Variants in PRKN observed in about 807,000 individuals in gnomAD.
PRKN encodes the protein E3 ubiquitin-protein ligase parkin.
A neutral mutation model predicts 59.5 loss-of-function variants in PRKN; 56 were observed. That is an observed-to-expected ratio of 0.94 (90% confidence interval 0.76 to 1.18). PRKN has a LOEUF of 1.18. Among genes scored for constraint, PRKN ranks in the 50% most tolerant of loss-of-function variants. The pLI is 0.00. For missense variants in PRKN, 657 were observed against 596.4 expected (o/e 1.10, Z -1.06); for synonymous variants, 250 against 222.1 (o/e 1.13, Z -1.12).
rs142392818 is a variant in PRKN at position 162,129,803 on chromosome 6, T to C, written c.534+71328A>G. Among the ~76,000 whole-genome samples the C allele has an allele frequency of 4.4e-3, 663 of 152,266 alleles. 5 individuals carry two copies. The highest frequency in any genetic ancestry group is 0.015 in the African/African-American group (628 of 41,570). On this transcript the variant is annotated intron_variant, in intron 4 of 11. Transcript: ENST00000366898. ...ATATAATGGCCTACTTCTTAAATTATAGAGTAAATATATACAGTAAGTCCA... is the reference window on the plus strand; with the variant it reads ...ATATAATGGCCTACTTCTTAAATTACAGAGTAAATATATACAGTAAGTCCA...
At chr6:162,638,984 G>A (rs1037285166) in intron 1 of PRKN, among the ~76,000 whole-genome samples, 2 of 151,842 alleles carry the variant, frequency 1.3e-5, no homozygotes, top group South Asian at 2.1e-4. Context: ...GACCTCAGGC[G>A]ATCCACCCAC....
In PRKN at chr6:161,569,365, C is replaced by T. The variant is rs2115479954; in HGVS notation, c.923G>A (p.Gly308Glu). 1 of 1,613,716 alleles carries T rather than the reference C, an allele frequency of 6.2e-7. No individual in the cohort carries two copies. Among genetic ancestry groups the T allele is most frequent in the South Asian group, 1.1e-5 (1 of 91,054 alleles). Residue 308 changes from glycine to glutamate, a missense_variant, in exon 8 of 12, where the codon GGA becomes GAA. Coordinates refer to ENST00000366898, the MANE Select transcript of PRKN (RefSeq NM_004562.3). ...IKELHHFRIL[G>E]EEQYNRYQQY... Reference sequence around the variant, plus strand: ...GAGATGCTCACTCACCTGCTCTTCTCCCAGAATCCTGAAGTGATGGAGCTC... The same window carrying T: ...GAGATGCTCACTCACCTGCTCTTCTTCCAGAATCCTGAAGTGATGGAGCTC...
intron 2 of PRKN, among the ~76,000 whole-genome samples, chr6:162,414,579 G>T (rs1362967523): frequency 2.7e-5 from 4 of 150,896 alleles, no homozygotes; most frequent in African/African-American, 7.3e-5. Flanking sequence ...CGCATGGTTG[G>T]TGGTGCCTGT....
At chr6:162,043,222 G>A (rs1213383723) in intron 5 of PRKN, among the ~76,000 whole-genome samples, 1 of 152,116 alleles carries the variant, frequency 6.6e-6, no homozygotes, top group East Asian at 1.9e-4. Flanking sequence ...AGCAACACAT[G>A]GGAATTTTGG....
chr6:162,563,819 G>T (rs987592820), intron 1 of PRKN, among the ~76,000 whole-genome samples: 1 of 152,042 alleles, frequency 6.6e-6, no homozygotes, highest in African/African-American at 2.4e-5. Flanking sequence ...TTAACAAAGA[G>T]AATGAAATAA....
intron 7 of PRKN, among the ~76,000 whole-genome samples, chr6:161,590,547 A>G (rs940660823): frequency 6.6e-6 from 1 of 152,140 alleles, no homozygotes; most frequent in Non-Finnish European, 1.5e-5. Flanking sequence ...AGTCTGGCCA[A>G]CATAGTGAAA....
At chr6:162,206,020 GT>G (rs1784922488) in intron 3 of PRKN, among the ~76,000 whole-genome samples, 1 of 152,106 alleles carries the variant, frequency 6.6e-6, no homozygotes, top group African/African-American at 2.4e-5. Flanking sequence ...TAAAAATAAT[GT>G]TGGCCCGAGA....
chr6:161,805,046 C>T (rs982602140), intron 6 of PRKN, among the ~76,000 whole-genome samples: 1 of 152,174 alleles, frequency 6.6e-6, no homozygotes, highest in African/African-American at 2.4e-5. Flanking sequence ...TCTAGGTTAT[C>T]GTATGGCCAC....
chr6:161,744,577 A>G (rs1788335477), intron 7 of PRKN, among the ~76,000 whole-genome samples: 1 of 152,202 alleles, frequency 6.6e-6, no homozygotes, highest in Non-Finnish European at 1.5e-5. Context: ...TAACATTAAC[A>G]TTCCTAATAA....
intron 1 of PRKN, among the ~76,000 whole-genome samples, chr6:162,693,758 A>C (rs1449753660): frequency 6.6e-6 from 1 of 152,232 alleles, no homozygotes; most frequent in Non-Finnish European, 1.5e-5. Flanking sequence ...CCTCTTTTAA[A>C]GAGTCACTTG....
chr6:162,062,293 G>T (rs977244984), intron 4 of PRKN, among the ~76,000 whole-genome samples: 1 of 152,108 alleles, frequency 6.6e-6, no homozygotes, highest in African/African-American at 2.4e-5. Flanking sequence ...CTCAAAATCA[G>T]CCTGAGTGAA....
At chr6:161,469,064 G>A (rs1299394233) in intron 9 of PRKN, among the ~76,000 whole-genome samples, 1 of 152,158 alleles carries the variant, frequency 6.6e-6, no homozygotes, top group South Asian at 2.1e-4. Flanking sequence ...CCCCATGTCT[G>A]TGTACTCATC....
At chr6:161,836,378 G>C (rs140457651) in intron 6 of PRKN, among the ~76,000 whole-genome samples, 1 of 152,214 alleles carries the variant, frequency 6.6e-6, no homozygotes, top group Non-Finnish European at 1.5e-5. Flanking sequence ...CTGGATGAGG[G>C]GGAAATTGCC....
chr6:162,521,355 CT>C (rs1413330728), intron 1 of PRKN, among the ~76,000 whole-genome samples: 1 of 152,188 alleles, frequency 6.6e-6, no homozygotes, highest in Non-Finnish European at 1.5e-5. Flanking sequence ...CAAATTTATC[CT>C]TGTAAGTTAT....
chr6:161,373,582 A>G lies in PRKN; in HGVS notation c.1167+13212T>C, dbSNP rs1333766310. ...GGGGTGCTGAGTTTAAATGTGCTAT[A>G]CCTCTGTGCTTTGCAGGGGTGATGA... On this transcript the variant is annotated intron_variant, in intron 10 of 11. Transcript: ENST00000366898. The surrounding 1 kb of genome is among the most constrained non-coding windows in gnomAD (Gnocchi z 4.8). Among the ~76,000 whole-genome samples, 1 of 148,112 alleles carries G rather than the reference A, an allele frequency of 6.8e-6. No homozygotes were observed. Among genetic ancestry groups the G allele is most frequent in the Non-Finnish European group, 1.5e-5 (1 of 67,190 alleles).
intron 1 of PRKN, among the ~76,000 whole-genome samples, chr6:162,482,832 A>G (rs1792367509): frequency 6.6e-6 from 1 of 152,186 alleles, no homozygotes; most frequent in South Asian, 2.1e-4. Context: ...CATCTTGTCC[A>G]ATCTACCTTC....
intron 2 of PRKN, among the ~76,000 whole-genome samples, chr6:162,364,855 G>T (rs1193375300): frequency 2.0e-5 from 3 of 152,074 alleles, no homozygotes; most frequent in Non-Finnish European, 4.4e-5. Flanking sequence ...ATCCTGGGCT[G>T]TCAATTTGTA....
chr6:161,416,668 C>G (rs968823906), intron 9 of PRKN, among the ~76,000 whole-genome samples: 2 of 152,106 alleles, frequency 1.3e-5, no homozygotes, highest in African/African-American at 4.8e-5. Flanking sequence ...CTCATAAAAA[C>G]CAGGCAGGGA....
chr6:161,517,738 T>TAAAAA (rs1778665464), intron 9 of PRKN, among the ~76,000 whole-genome samples: 2 of 3,374 alleles, frequency 5.9e-4, no homozygotes, highest in Non-Finnish European at 1.1e-3. Context: ...AGACTCTATC[T>TAAAAA]CAAAAAAAAA....
Sources: gnomAD v4.1 joint callset for allele counts (sites outside exome capture counted in the v4.1 genomes callset) on GRCh38, gnomAD v4.1.1 for gene constraint, Gnocchi (gnomAD v3.1) non-coding constraint, MANE v1.5 for transcripts, NCBI Gene and HGNC (gene_info 2026-07-23, HGNC 2026-07-21) for gene names.